Variants in GLB1 observed in about 807,000 individuals in gnomAD.
GLB1 encodes the protein beta-galactosidase.
A neutral mutation model predicts 74.0 loss-of-function variants in GLB1; 56 were observed. The ratio of observed to expected loss-of-function variants is 0.76; its 90% CI spans 0.61 to 0.94. The LOEUF (loss-of-function observed/expected upper bound fraction) is 0.94. GLB1 is among the 40% of genes least tolerant of loss of function. The pLI is 0.00. For missense variants in GLB1, 787 were observed against 845.5 expected (o/e 0.93, Z 0.86); for synonymous variants, 323 against 323.6 (o/e 1.00, Z 0.02).
chr3:32,984,196 A>G, the GLB1 span, among the ~76,000 whole-genome samples: 3 of 152,072 alleles, frequency 2.0e-5, no homozygotes, highest in East Asian at 5.8e-4. Context: ...CTTACAACCT[A>G]TCAGGGATGG....
intron 1 of GLB1, chr3:33,091,462 C>T: frequency 6.1e-6 from 6 of 985,520 alleles, no homozygotes; most frequent in Non-Finnish European, 7.2e-6. Context: ...ACTCACATTC[C>T]CCAGGACTGG....
At chr3:33,090,317 C>A (rs1264423419) in intron 1 of GLB1, 1 of 839,994 alleles carries the variant, frequency 1.2e-6, no homozygotes, top group South Asian at 5.5e-5. Context: ...GAAAGGATGG[C>A]AGAGTGGTCT....
intron 3 of GLB1, 75 bp from the exon 4 acceptor site, chr3:33,068,365 G>C: frequency 6.3e-7 from 1 of 1,585,732 alleles, no homozygotes; most frequent in Non-Finnish European, 8.6e-7. Flanking sequence ...ATTACTATTA[G>C]TAGTTATGGA....
At position 33,051,894 on chromosome 3, in the gene GLB1, C is replaced by T. The variant is rs1182083485; in HGVS notation, c.903G>A (p.Ala301=). 2.5e-6 allele frequency: 4 copies of T among 1,614,234 alleles called. No individual in the cohort carries two copies. The highest frequency in any genetic ancestry group is 3.4e-6 in the Non-Finnish European group (4 of 1,180,052). ...SSLYDILARG[A]SVNLYMFIGG... is the part of the protein sequence containing the mutation. ...CAATGAACACTCACAAGTTCACACT[C>T]GCCCCACGGGCAAGTATATCATAGA... The change falls in exon 8 of 16, where the codon GCG becomes GCA. Residue 301 remains alanine (A), a synonymous_variant. Transcript: ENST00000307363.
At chr3:32,975,167 A>G in the GLB1 span, among the ~76,000 whole-genome samples, 33,304 of 152,044 alleles carry the variant, frequency 0.22, 4,565 homozygotes, top group Middle Eastern at 0.38. Flanking sequence ...CTGCAGCCTC[A>G]ACCTCCCAAG....
At chr3:33,018,346 C>A in intron 13 of GLB1, 102 bp downstream of exon 13, 2 of 621,404 alleles carry the variant, frequency 3.2e-6, no homozygotes, top group Non-Finnish European at 5.6e-6. Flanking sequence ...GAGCCTGAGG[C>A]TGAAAAGGTG....
the GLB1 span, among the ~76,000 whole-genome samples, chr3:32,983,559 T>C: frequency 2.0e-5 from 3 of 152,234 alleles, no homozygotes; most frequent in East Asian, 5.8e-4. Flanking sequence ...ATATGTCTCA[T>C]AATTTCAATA....
chr3:33,088,809 A>C (rs967240853), intron 1 of GLB1, among the ~76,000 whole-genome samples: 1 of 152,216 alleles, frequency 6.6e-6, no homozygotes, highest in Non-Finnish European at 1.5e-5. Flanking sequence ...ATGGAATCTC[A>C]ACAGACACCA....
chr3:33,034,793 C>G (rs1698201377), intron 10 of GLB1: 5 of 625,634 alleles, frequency 8.0e-6, no homozygotes, highest in Non-Finnish European at 1.6e-5. Context: ...CATAGAGGGC[C>G]AGCATAACAA....
chr3:33,014,458 C>A, intron 14 of GLB1, 148 bp from the exon 15 acceptor site: 2 of 1,231,874 alleles, frequency 1.6e-6, no homozygotes, highest in Non-Finnish European at 2.3e-6. Flanking sequence ...ATCGAAGTAA[C>A]ACAGATCTAA....
intron 10 of GLB1, among the ~76,000 whole-genome samples, chr3:33,040,486 C>G (rs1698454484): frequency 6.6e-6 from 1 of 152,098 alleles, no homozygotes; most frequent in African/African-American, 2.4e-5. Flanking sequence ...GTGGCACATG[C>G]CTGTAGTCCC....
the GLB1 span, among the ~76,000 whole-genome samples, chr3:32,973,977 G>T: frequency 0.43 from 65,019 of 151,788 alleles, 16,194 homozygotes; most frequent in South Asian, 0.55. Flanking sequence ...AATATGGGGA[G>T]GGGGGCTGCA....
chr3:33,040,604 G>A (rs1698459696), intron 10 of GLB1, among the ~76,000 whole-genome samples: 1 of 151,668 alleles, frequency 6.6e-6, no homozygotes, highest in Non-Finnish European at 1.5e-5. Context: ...GTGAAACCCT[G>A]TCTCTAAGAA....
At chr3:32,962,102 G>A in the GLB1 span, among the ~76,000 whole-genome samples, 2 of 151,968 alleles carry the variant, frequency 1.3e-5, no homozygotes, top group Admixed American at 1.3e-4. Flanking sequence ...GCCAAGGTAG[G>A]AGAATCGATT....
intron 1 of GLB1, chr3:33,091,954 C>T: frequency 2.0e-6 from 2 of 984,834 alleles, no homozygotes; most frequent in Non-Finnish European, 2.4e-6. Context: ...TGGTTTCTAG[C>T]CCCAAATCTC....
intron 6 of GLB1, among the ~76,000 whole-genome samples, chr3:33,053,899 G>A (rs935128978): frequency 3.2e-4 from 48 of 152,280 alleles, no homozygotes; most frequent in African/African-American, 1.1e-3. Flanking sequence ...TGTAATCCCA[G>A]CTACTCAGGA....
At chr3:32,971,575 G>A in the GLB1 span, among the ~76,000 whole-genome samples, 21 of 152,284 alleles carry the variant, frequency 1.4e-4, no homozygotes, top group Non-Finnish European at 2.2e-4. Context: ...TAACCTTGCC[G>A]GTAAACCAAA....
chr3:33,068,169 G>A, intron 4 of GLB1, 61 bp downstream of exon 4: 1 of 1,610,318 alleles, frequency 6.2e-7, no homozygotes, highest in African/African-American at 1.3e-5. Flanking sequence ...TTACAGGCGT[G>A]AGCCACCGCA....
At chr3:33,092,713 C>CAAGG (rs1700816896) in intron 1 of GLB1, 2 of 1,471,184 alleles carry the variant, frequency 1.4e-6, no homozygotes, top group South Asian at 2.9e-5. Flanking sequence ...GGCTTGTGAC[C>CAAGG]AAGGGTGTGT....
Sources: gnomAD v4.1 joint callset for allele counts (sites outside exome capture counted in the v4.1 genomes callset) on GRCh38, gnomAD v4.1.1 for gene constraint, MANE v1.5 for transcripts, NCBI Gene and HGNC (gene_info 2026-07-23, HGNC 2026-07-21) for gene names.